PPP2R2C: variants seen among roughly 807,000 people sequenced by gnomAD.
The protein encoded by PPP2R2C is protein phosphatase 2 regulatory subunit Bgamma.
In PPP2R2C, 10 loss-of-function variants were observed where a neutral mutation model predicts 45.3. That is an observed-to-expected ratio of 0.22 (90% CI 0.14 to 0.37). The LOEUF (loss-of-function observed/expected upper bound fraction) is 0.37. Among genes scored for constraint, PPP2R2C ranks in the 10% least tolerant of loss-of-function variants. PPP2R2C has a pLI of 1.00. For missense variants in PPP2R2C, 308 were observed against 619.7 expected (o/e 0.50, Z 5.34); for synonymous variants, 257 against 245.4 (o/e 1.05, Z -0.44).
chr4:6,396,904 T>A (rs551628498), intron 1 of PPP2R2C, among the ~76,000 whole-genome samples: 1 of 152,130 alleles, frequency 6.6e-6, no homozygotes, highest in South Asian at 2.1e-4. Flanking sequence ...CCTAAAAATG[T>A]AACTATTGAC....
At chr4:6,384,546 T>C (rs1398213404) in intron 1 of PPP2R2C, 2 of 978,974 alleles carry the variant, frequency 2.0e-6, no homozygotes, top group African/African-American at 3.5e-5. Context: ...ACTTAATGTA[T>C]ATAATTTGAT....
intron 2 of PPP2R2C, among the ~76,000 whole-genome samples, chr4:6,519,073 T>G (rs1723928779): frequency 6.6e-6 from 1 of 151,816 alleles, no homozygotes; most frequent in Admixed American, 6.6e-5. Flanking sequence ...AGGAAGAAAT[T>G]ATAGCAATTC....
chr4:6,559,979 C>T (rs1179788695), intron 1 of PPP2R2C, among the ~76,000 whole-genome samples: 1 of 152,260 alleles, frequency 6.6e-6, no homozygotes, highest in Non-Finnish European at 1.5e-5. Flanking sequence ...ACTCCTCAAA[C>T]ATGTGGTGTG....
rs1221766769 is a variant in PPP2R2C, at chr4:6,324,690, C to G, written c.1053-1097G>C. On this transcript the variant is annotated intron_variant, in intron 8 of 8. Transcript: ENST00000382599. This position sits in a 1 kb window ranked among gnomAD's most constrained non-coding sequence, Gnocchi z 4.1. The stretch of plus-strand genomic sequence containing the variant: ...TGCAGGGGCTCGCTGCCCTCACCGT[C>G]CCGCTAAAGAGAATTCCACACCATT... Among the ~76,000 whole-genome samples, 2 of 152,200 alleles carry G rather than the reference C, an allele frequency of 1.3e-5. No homozygotes were observed. The highest frequency in any genetic ancestry group is 4.8e-5 in the African/African-American group (2 of 41,448).
chr4:6,351,327 AAATT>A lies in PPP2R2C; in HGVS notation c.626-3321_626-3318del, dbSNP rs1324065551. 3.1e-4 allele frequency: 281 copies of A among 914,040 alleles called. 1 individual carries two copies. The highest frequency in any genetic ancestry group is 6.1e-4 in the South Asian group (12 of 19,636). 56.6% of individuals were successfully genotyped at this position (914,040 alleles called of 1,614,324 possible). On this transcript the variant is annotated intron_variant, in intron 5 of 8. Transcript: ENST00000382599. Reference sequence around the variant, plus strand: ...GACTCCATCTCAAAAATAAATAAATAAATTAATTAATTAATTAATAAAAGTATGC... The same window carrying A: ...GACTCCATCTCAAAAATAAATAAATAAATTAATTAATTAATAAAAGTATGC...
chr4:6,426,188 T>G (rs1373775648), intron 1 of PPP2R2C, among the ~76,000 whole-genome samples: 1 of 152,218 alleles, frequency 6.6e-6, no homozygotes, highest in Admixed American at 6.5e-5. Flanking sequence ...AAAAGGCTAC[T>G]TGGATGAGAC....
chr4:6,505,165 A>G (rs944358091), intron 2 of PPP2R2C, among the ~76,000 whole-genome samples: 26 of 152,106 alleles, frequency 1.7e-4, no homozygotes, highest in African/African-American at 5.3e-4. Context: ...GTGCTTGGAA[A>G]AAAAAAAGCC....
At chr4:6,543,110 G>C (rs1724859826) in intron 1 of PPP2R2C, among the ~76,000 whole-genome samples, 1 of 152,224 alleles carries the variant, frequency 6.6e-6, no homozygotes. Flanking sequence ...CACCTGCAGG[G>C]TGGATCGCCT....
chr4:6,329,684 G>A lies in PPP2R2C; in HGVS notation c.961-331C>T, dbSNP rs1055252307. Among the ~76,000 whole-genome samples the A allele has an allele frequency of 6.6e-6, 1 of 151,512 alleles. No homozygotes were observed. The highest frequency in any genetic ancestry group is 1.5e-5 in the Non-Finnish European group (1 of 67,964). Reference sequence around the variant, plus strand: ...TACAGCCCTGCTCATCTTATCGGGGGCCCACGACCAGGCACACGGCTGACC... The same window carrying A: ...TACAGCCCTGCTCATCTTATCGGGGACCCACGACCAGGCACACGGCTGACC... On this transcript the variant is annotated intron_variant, in intron 7 of 8. Coordinates refer to ENST00000382599, the MANE Select transcript of PPP2R2C (RefSeq NM_020416.4). This position sits in a 1 kb window ranked among gnomAD's most constrained non-coding sequence, Gnocchi z 5.8.
intron 1 of PPP2R2C, chr4:6,383,359 G>T (rs1715994509): frequency 7.8e-7 from 1 of 1,289,576 alleles, no homozygotes; most frequent in Admixed American, 2.3e-5. Flanking sequence ...ATTTACTGTT[G>T]TATGCACGGG....
chr4:6,367,039 A>G (rs1206274677), intron 5 of PPP2R2C, among the ~76,000 whole-genome samples: 2 of 151,010 alleles, frequency 1.3e-5, no homozygotes, highest in Non-Finnish European at 2.9e-5. Flanking sequence ...ACCTCTTTCC[A>G]TTCTGAGGGT....
At chr4:6,402,430 G>A (rs6446500) in intron 1 of PPP2R2C, among the ~76,000 whole-genome samples, 29,880 of 151,992 alleles carry the variant, frequency 0.2, 3,249 homozygotes, top group South Asian at 0.3. Flanking sequence ...GTTCTCACCT[G>A]CAAAATGGGC....
At chr4:6,387,821 A>T (rs907248102) in intron 1 of PPP2R2C, among the ~76,000 whole-genome samples, 4 of 151,672 alleles carry the variant, frequency 2.6e-5, no homozygotes, top group African/African-American at 9.7e-5. Context: ...AAAAAAAAAG[A>T]GTGAAGGGCA....
At chr4:6,470,930 T>TCCCGGGCCAGGGCGC (rs1259702657) in intron 1 of PPP2R2C, among the ~76,000 whole-genome samples, 2 of 151,526 alleles carry the variant, frequency 1.3e-5, no homozygotes, top group Non-Finnish European at 2.9e-5. Flanking sequence ...AGCCTCTGCC[T>TCCCGGGCCAGGGCGC]CCCGGGCCAG....
At chr4:6,400,175 T>C (rs1001328665) in intron 1 of PPP2R2C, among the ~76,000 whole-genome samples, 1 of 152,220 alleles carries the variant, frequency 6.6e-6, no homozygotes, top group African/African-American at 2.4e-5. Flanking sequence ...CTTTTCCAAC[T>C]ACATATCTGT....
rs145749016 is a variant in PPP2R2C, at chr4:6,421,877, T to C, written c.71-40783A>G. Among the ~76,000 whole-genome samples the C allele has an allele frequency of 1.9e-3, 288 of 152,306 alleles. 1 individual carries two copies. Among genetic ancestry groups the C allele is most frequent in the African/African-American group, 6.7e-3 (277 of 41,562 alleles). ...GGCCAGGTCTGCTTACCTTCAATAA[T>C]AGGGTTGTCATCTTACTCTGCCTCC... On this transcript the variant is annotated intron_variant, in intron 1 of 8. Transcript: ENST00000382599.
At chr4:6,416,875 C>T (rs1240593154) in intron 1 of PPP2R2C, among the ~76,000 whole-genome samples, 2 of 152,192 alleles carry the variant, frequency 1.3e-5, no homozygotes, top group African/African-American at 4.8e-5. Flanking sequence ...TCTCCCTTCC[C>T]CCTGTCGGGG....
intron 6 of PPP2R2C, among the ~76,000 whole-genome samples, chr4:6,338,757 T>TG (rs1434329376): frequency 6.6e-6 from 1 of 152,122 alleles, no homozygotes; most frequent in Non-Finnish European, 1.5e-5. Context: ...TCAAAGGCTC[T>TG]GGGGGTGGGT....
chr4:6,325,542 C>T (rs1482407033), intron 8 of PPP2R2C, among the ~76,000 whole-genome samples: 1 of 152,172 alleles, frequency 6.6e-6, no homozygotes, highest in Non-Finnish European at 1.5e-5. Flanking sequence ...GGTGATTTCA[C>T]ACAATGCTGG....
Sources: allele counts gnomAD v4.1 joint callset (sites outside exome capture counted in the v4.1 genomes callset), GRCh38; gene constraint gnomAD v4.1.1; non-coding constraint Gnocchi (gnomAD v3.1); transcripts MANE v1.5; gene names NCBI Gene and HGNC (gene_info 2026-07-23, HGNC 2026-07-21).